Variants in RPL36 observed in about 807,000 individuals in gnomAD.
RPL36 encodes the protein ribosomal protein L36, also known as large ribosomal subunit protein eL36.
For synonymous variants in RPL36, 74 were observed against 56.0 expected (o/e 1.32, Z -1.44); for missense variants, 131 against 144.9 (o/e 0.90, Z 0.49).
rs2054820740 is a variant in RPL36, at chr19:5,691,553, A to G, written c.250A>G (p.Lys84Glu). The G allele has an allele frequency of 6.2e-7, 1 of 1,611,844 alleles. No homozygotes were observed. The highest frequency in any genetic ancestry group is 8.5e-7 in the Non-Finnish European group (1 of 1,179,890). The part of the protein sequence containing the change: ...KKRVGTHIRA[K>E]RKREELSNVL... ...GCAGGTGGGGACGCACATCCGCGCCAAGAGGAAGCGGGAGGAGCTGAGCAA... is the reference window on the plus strand; with the variant it reads ...GCAGGTGGGGACGCACATCCGCGCCGAGAGGAAGCGGGAGGAGCTGAGCAA... Residue 84 changes from lysine (K) to glutamate (E), a missense_variant, in exon 4 of 4, where the codon AAG becomes GAG. By Grantham distance (56) the Lys-to-Glu change is moderately conservative (BLOSUM62 1). Coordinates refer to ENST00000347512, the MANE Select transcript of RPL36 (RefSeq NM_033643.3).
Position 5,691,339 on chromosome 19 carries a change from G to A in RPL36, c.114G>A (p.Lys38=). The A allele has an allele frequency of 6.2e-7, 1 of 1,613,036 alleles. No homozygotes were observed. The highest frequency in any genetic ancestry group is 8.5e-7 in the Non-Finnish European group (1 of 1,180,024). Residue 38 remains lysine (K), a synonymous_variant, in exon 3 of 4, where the codon AAG becomes AAA. Coordinates refer to ENST00000347512, the MANE Select transcript of RPL36 (RefSeq NM_033643.3). ...CCTAGCGTCTGACCAAACACACCAA[G>A]TTCGTGCGGGACATGATTCGGGAGG... ...RRRGRLTKHT[K]FVRDMIREVC...
rs2054826118 is a variant in RPL36 at position 5,691,809 on chromosome 19, G to T, written c.*188G>T. ...AAGCCGTGGCCCGCCCACCCTTCCC[G>T]GGGCAGCAGGTGAGGAAGCCGCCGT... is the stretch of plus-strand genomic sequence containing the variant. On this transcript the variant is annotated 3_prime_UTR_variant, in exon 4 of 4. Coordinates refer to ENST00000347512, the MANE Select transcript of RPL36 (RefSeq NM_033643.3). 1.2e-6 allele frequency: 1 copy of T among 814,724 alleles called. No individual in the cohort carries two copies. The highest frequency in any genetic ancestry group is 1.9e-6 in the Non-Finnish European group (1 of 516,702). 50.5% of individuals were successfully genotyped at this position (814,724 alleles called of 1,614,324 possible). A position where few individuals can be genotyped will look rare whatever the true frequency, so the allele number is the denominator to read the frequency against.
rs2054803243 is a variant in RPL36, at chr19:5,690,521, A to G, written c.14A>G (p.Tyr5Cys). 1 of 1,560,998 alleles carries G rather than the reference A, an allele frequency of 6.4e-7. No homozygotes were observed. Among genetic ancestry groups the G allele is most frequent in the South Asian group, 1.2e-5 (1 of 84,718 alleles). Residue 5 changes from tyrosine to cysteine, a missense_variant, in exon 2 of 4, where the codon TAC (tyrosine) becomes TGC (cysteine). Tyr to Cys is a radical substitution (Grantham distance 194). Transcript: ENST00000347512. MALR[Y>C]PMAVGLNKGH... The stretch of plus-strand genomic sequence containing the variant: ...CTGTCCGCAGCCATGGCCCTACGCT[A>G]CCCTATGGCCGTGGGCCTCAACAAG...
rs933550456 is a variant in RPL36, at chr19:5,691,212, CCA to C, written c.94-104_94-103del. 19 of 1,539,412 alleles carry C rather than the reference CCA, an allele frequency of 1.2e-5. No homozygotes were observed. In the African/African-American group the frequency reaches 1.4e-4, roughly 11 times the overall value. ...TTAATACCTTGGTTCTCACAGCTACCCACAGAGGGGAGGAAGTAGCCAGGGAA... is the reference window on the plus strand; with the variant it reads ...TTAATACCTTGGTTCTCACAGCTACCCAGAGGGGAGGAAGTAGCCAGGGAA... On this transcript the variant is annotated intron_variant, in intron 2 of 3. Transcript: ENST00000347512.
Position 5,691,703 on chromosome 19 carries a change from G to T in RPL36, c.*82G>T. The T allele has an allele frequency of 7.2e-7, 1 of 1,393,930 alleles. No homozygotes were observed. Among genetic ancestry groups the T allele is most frequent in the Non-Finnish European group, 9.9e-7 (1 of 1,007,606 alleles). 86.3% of individuals were successfully genotyped at this position (1,393,930 alleles called of 1,614,324 possible). On this transcript the variant is annotated 3_prime_UTR_variant, in exon 4 of 4. Transcript: ENST00000347512. ...TCCTGCTGTCCGTGGGTGGGTGTGG[G>T]TGTGTCGGGGGCCCGCAGTCCCCTG... is the stretch of plus-strand genomic sequence containing the variant.
Position 5,691,454 on chromosome 19 carries a change from G to GTAGGT in RPL36, c.228+2_228+6dup, listed in dbSNP as rs1458478746. ...GGCCCTCAAATTTATCAAGAAAAGG[G>GTAGGT]TAGGTGGGCGCTGCCGGCCGAGGGG... is the stretch of plus-strand genomic sequence containing the variant. On this transcript the variant is annotated splice_donor_variant, in intron 3 of 3. Transcript: ENST00000347512. LOFTEE classifies it high-confidence loss of function. 29 of 1,609,556 alleles carry GTAGGT rather than the reference G, an allele frequency of 1.8e-5. No individual in the cohort carries two copies. The highest frequency in any genetic ancestry group is 2.1e-5 in the Non-Finnish European group (25 of 1,176,316).
chr19:5,691,762 G>GT lies in RPL36; in HGVS notation c.*142dup. On this transcript the variant is annotated 3_prime_UTR_variant, in exon 4 of 4. Coordinates refer to ENST00000347512, the MANE Select transcript of RPL36 (RefSeq NM_033643.3). ...CCGCTCTGAGCCACACCCTCTCCGG[G>GT]TGCTGCCTGGTCGTGAATCAAAAGC... 1 of 1,019,754 alleles carries GT rather than the reference G, an allele frequency of 9.8e-7. No homozygotes were observed. Among genetic ancestry groups the GT allele is most frequent in the Non-Finnish European group, 1.5e-6 (1 of 676,210 alleles). The allele number at this position is 1,019,754 out of a possible 1,614,324, so 63.2% of individuals were successfully genotyped here. A position where few individuals can be genotyped will look rare whatever the true frequency, so the allele number is the denominator to read the frequency against.
chr19:5,690,429 G>C (rs960790204), intron 1 of RPL36, 77 bp from the exon 2 acceptor site: 2 of 1,142,512 alleles, frequency 1.8e-6, no homozygotes, highest in African/African-American at 3.1e-5. Flanking sequence ...GGCTGAAGGA[G>C]CCGGGACGCG....
At chr19:5,691,507 C>T (rs374565474) in intron 3 of RPL36, 25 bp from the exon 4 acceptor site, 3 of 1,609,318 alleles carry the variant, frequency 1.9e-6, no homozygotes, top group Non-Finnish European at 2.5e-6. Flanking sequence ...CAGGGCCGGG[C>T]TGACGGCGGC....
At chr19:5,690,962 TA>T in intron 2 of RPL36, 1 of 504,428 alleles carries the variant, frequency 2.0e-6, no homozygotes, top group East Asian at 3.5e-5. Flanking sequence ...GCGCCTTTAT[TA>T]AGCGGGCAGC....
At chr19:5,690,811 G>T (rs1156233161) in intron 2 of RPL36, 1 of 611,106 alleles carries the variant, frequency 1.6e-6, no homozygotes, top group Non-Finnish European at 2.9e-6. Context: ...TGCAATCCAC[G>T]CTGGGGCAGA....
At position 5,691,417 on chromosome 19, in the gene RPL36, C is replaced by T. The variant is rs141256312; in HGVS notation, c.192C>T (p.Ser64=). The change falls in exon 3 of 4, where the codon TCC becomes TCT. Residue 64 remains serine, a synonymous_variant. Coordinates refer to ENST00000347512, the MANE Select transcript of RPL36 (RefSeq NM_033643.3). ...ERRAMELLKV[S]KDKRALKFIK... is the part of the protein sequence containing the mutation. ...GCGCCATGGAGTTACTGAAGGTCTC[C>T]AAGGACAAACGGGCCCTCAAATTTA... is the stretch of plus-strand genomic sequence containing the variant. 8.7e-6 allele frequency: 14 copies of T among 1,613,848 alleles called. No individual in the cohort carries two copies. In the African/African-American group the frequency reaches 1.6e-4, roughly 18 times the overall value.
At position 5,691,139 on chromosome 19, in the gene RPL36, C is replaced by G. The variant is rs1378146274; in HGVS notation, c.94-180C>G. ...CCTGCCAGTGTTGCGGAGACTGGGA[C>G]TTAGGGAGGATGGGAGCTGCTCCGG... On this transcript the variant is annotated intron_variant, in intron 2 of 3. Coordinates refer to ENST00000347512, the MANE Select transcript of RPL36 (RefSeq NM_033643.3). 1.5e-5 allele frequency: 12 copies of G among 821,238 alleles called. No individual in the cohort carries two copies. In the South Asian group the frequency reaches 2.0e-4, roughly 13 times the overall value. 50.9% of individuals were successfully genotyped at this position (821,238 alleles called of 1,614,324 possible). A position where few individuals can be genotyped will look rare whatever the true frequency, so the allele number is the denominator to read the frequency against.
chr19:5,691,826 A>C lies in RPL36; in HGVS notation c.*205A>C. On this transcript the variant is annotated 3_prime_UTR_variant, in exon 4 of 4. Transcript: ENST00000347512. Reference sequence around the variant, plus strand: ...CCCTTCCCGGGGCAGCAGGTGAGGAAGCCGCCGTACTGCAAATGACTTTAA... The same window carrying C: ...CCCTTCCCGGGGCAGCAGGTGAGGACGCCGCCGTACTGCAAATGACTTTAA... 1.2e-6 allele frequency: 1 copy of C among 806,372 alleles called. No homozygotes were observed. Among genetic ancestry groups the C allele is most frequent in the South Asian group, 1.7e-5 (1 of 57,846 alleles). 50.0% of individuals were successfully genotyped at this position (806,372 alleles called of 1,614,324 possible). A position where few individuals can be genotyped will look rare whatever the true frequency, so the allele number is the denominator to read the frequency against.
chr19:5,690,941 C>T (rs1472771326), intron 2 of RPL36: 1 of 535,108 alleles, frequency 1.9e-6, no homozygotes, highest in Non-Finnish European at 3.4e-6. Context: ...TCAGGTGTGT[C>T]AGTGTATTGG....
chr19:5,691,663 C>G lies in RPL36; in HGVS notation c.*42C>G. 1.3e-6 allele frequency: 2 copies of G among 1,556,878 alleles called. No homozygotes were observed. The highest frequency in any genetic ancestry group is 1.7e-6 in the Non-Finnish European group (2 of 1,148,022). ...CTCCCTGAAATAAAGAACAGCTTGA[C>G]AGAAGCCCTGGCTCTCCTGCTGTCC... On this transcript the variant is annotated 3_prime_UTR_variant, in exon 4 of 4. Transcript: ENST00000347512.
At position 5,691,627 on chromosome 19, in the gene RPL36, TC is replaced by T; in HGVS notation, c.*10del. 1 of 1,600,418 alleles carries T rather than the reference TC, an allele frequency of 6.2e-7. No individual in the cohort carries two copies. Among genetic ancestry groups the T allele is most frequent in the Non-Finnish European group, 8.5e-7 (1 of 1,174,682 alleles). On this transcript the variant is annotated 3_prime_UTR_variant, in exon 4 of 4. Coordinates refer to ENST00000347512, the MANE Select transcript of RPL36 (RefSeq NM_033643.3). ...CTGCTGCCAAGAAAGACTGAGCCCC[TC>T]CCCTGCCCTCTCCCTGAAATAAAGA... is the stretch of plus-strand genomic sequence containing the variant.
In RPL36 at chr19:5,691,535, G is replaced by A. The variant is rs764052662; in HGVS notation, c.232G>A (p.Gly78Arg). 1 of 1,612,164 alleles carries A rather than the reference G, an allele frequency of 6.2e-7. No individual in the cohort carries two copies. The highest frequency in any genetic ancestry group is 8.5e-7 in the Non-Finnish European group (1 of 1,179,906). The change falls in exon 4 of 4, where the codon GGG becomes AGG. Residue 78 changes from glycine (G) to arginine (R), a missense_variant. Physicochemically the swap from Gly to Arg is moderately radical, Grantham distance 125. Coordinates refer to ENST00000347512, the MANE Select transcript of RPL36 (RefSeq NM_033643.3). Reference sequence around the variant, plus strand: ...ACGGCGGCCTCGTCCCTGGCAGGTGGGGACGCACATCCGCGCCAAGAGGAA... The same window carrying A: ...ACGGCGGCCTCGTCCCTGGCAGGTGAGGACGCACATCCGCGCCAAGAGGAA... ...RALKFIKKRVGTHIRAKRKRE... is the reference protein window; with the variant it reads ...RALKFIKKRVRTHIRAKRKRE...
intron 2 of RPL36, chr19:5,691,111 C>T (rs2145570302): frequency 4.5e-6 from 3 of 665,842 alleles, no homozygotes; most frequent in East Asian, 2.7e-5. Context: ...ACTCCAGGTG[C>T]GTCCTGCCAG....
Sources: allele counts gnomAD v4.1 joint callset, GRCh38; gene constraint gnomAD v4.1.1; transcripts MANE v1.5; gene names NCBI Gene and HGNC (gene_info 2026-07-23, HGNC 2026-07-21).